NR1I3: variants seen among roughly 807,000 people sequenced by gnomAD.
NR1I3 encodes the protein constitutive activator of retinoid response.
A neutral mutation model predicts 38.4 loss-of-function variants in NR1I3; 30 were observed. The observed-to-expected ratio is 0.78, with a 90% CI of 0.58 to 1.06. The LOEUF is 1.06. Among genes scored for constraint, NR1I3 ranks in the 50% least tolerant of loss-of-function variants. NR1I3 has a pLI of 0.00. For missense variants in NR1I3, 388 were observed against 435.7 expected (o/e 0.89, Z 0.97); for synonymous variants, 143 against 165.1 (o/e 0.87, Z 1.03).
chr1:161,237,966 G>A, intron 1 of NR1I3, 75 bp downstream of exon 1: 1 of 1,427,040 alleles, frequency 7.0e-7, no homozygotes, highest in Non-Finnish European at 9.9e-7. Context: ...TGACACACGT[G>A]AGCCACTATG....
intron 5 of NR1I3, among the ~76,000 whole-genome samples, chr1:161,232,022 C>T (rs1296515088): frequency 6.6e-6 from 1 of 151,844 alleles, no homozygotes; most frequent in Non-Finnish European, 1.5e-5. Context: ...GAGTGTTGCT[C>T]TGTCACCCAG....
At position 161,229,733 on chromosome 1, in the gene NR1I3, C is replaced by T. The variant is rs755279262; in HGVS notation, c.*64G>A. The T allele has an allele frequency of 1.2e-6, 2 of 1,614,236 alleles. No individual in the cohort carries two copies. Among genetic ancestry groups the T allele is most frequent in the Non-Finnish European group, 1.7e-6 (2 of 1,180,048 alleles). On this transcript the variant is annotated 3_prime_UTR_variant, in exon 9 of 9. Transcript: ENST00000367983. ...AACCCGGCCCAATCTTTGGTCCCAG[C>T]ATTTTCCCACTCCAGTGTATCCAGG...
At chr1:161,233,875 GTGTGTGTGTGTGTA>G (rs1423878933) in intron 3 of NR1I3, among the ~76,000 whole-genome samples, 2,956 of 141,456 alleles carry the variant, frequency 0.021, 37 homozygotes, top group African/African-American at 0.026. Context: ...GTGTGTGTGT[GTGTGTGTGTGTGTA>G]TATGTGTGTG....
intron 8 of NR1I3, 134 bp downstream of exon 8, chr1:161,230,679 G>A: frequency 8.7e-7 from 1 of 1,147,078 alleles, no homozygotes; most frequent in Non-Finnish European, 1.2e-6. Context: ...GATGGCCAGG[G>A]GGAAGGACTA....
intron 3 of NR1I3, 74 bp from the exon 4 acceptor site, chr1:161,233,412 G>A (rs1006392641): frequency 1.3e-6 from 2 of 1,529,042 alleles, no homozygotes; most frequent in East Asian, 2.3e-5. Context: ...CCCTGATCTG[G>A]GGCCCCTCAG....
chr1:161,231,645 C>T (rs1041215476), intron 5 of NR1I3, among the ~76,000 whole-genome samples, 171 bp from the exon 6 acceptor site: 10 of 152,012 alleles, frequency 6.6e-5, no homozygotes, highest in East Asian at 1.9e-4. Flanking sequence ...GGATTACAGG[C>T]GTGTGCCACC....
chr1:161,236,067 G>A (rs1264789588), intron 2 of NR1I3, 90 bp from the exon 3 acceptor site: 197 of 1,446,032 alleles, frequency 1.4e-4, no homozygotes, highest in Non-Finnish European at 1.8e-4. Flanking sequence ...TGGGAATCTG[G>A]TGAAATGGAC....
intron 7 of NR1I3, 31 bp from the exon 8 acceptor site, chr1:161,230,949 T>C: frequency 6.2e-7 from 1 of 1,613,620 alleles, no homozygotes; most frequent in Non-Finnish European, 8.5e-7. Flanking sequence ...AAGGACAAGT[T>C]GGGTGGCAGG....
At chr1:161,235,797 C>T (rs776625828) in intron 3 of NR1I3, 50 bp downstream of exon 3, 2 of 1,611,614 alleles carry the variant, frequency 1.2e-6, no homozygotes, top group Non-Finnish European at 1.7e-6. Context: ...GGAACAAGGA[C>T]AAAGACAGAC....
intron 2 of NR1I3, 78 bp downstream of exon 2, chr1:161,236,381 G>T: frequency 6.5e-7 from 1 of 1,550,220 alleles, no homozygotes. Context: ...ACAGGCTTGG[G>T]CACCAGCGAG....
At chr1:161,233,953 A>C in intron 3 of NR1I3, among the ~76,000 whole-genome samples, 1 of 144,824 alleles carries the variant, frequency 6.9e-6, no homozygotes, top group East Asian at 2.1e-4. Context: ...ATATGTGTAT[A>C]TATGTGTATA....
intron 8 of NR1I3, 177 bp from the exon 9 acceptor site, chr1:161,230,103 C>A: frequency 1.4e-6 from 1 of 693,478 alleles, no homozygotes; most frequent in Non-Finnish European, 2.4e-6. Context: ...CTCCAGGGGG[C>A]CTCGGTCTGA....
intron 1 of NR1I3, among the ~76,000 whole-genome samples, chr1:161,236,923 T>TTG (rs397949130): frequency 6.6e-6 from 1 of 151,396 alleles, no homozygotes; most frequent in Non-Finnish European, 1.5e-5. Context: ...TTATTTTTTT[T>TTG]GTAGAGATGG....
At chr1:161,232,265 C>T (rs1349776556) in intron 5 of NR1I3, among the ~76,000 whole-genome samples, 1 of 151,708 alleles carries the variant, frequency 6.6e-6, no homozygotes, top group Non-Finnish European at 1.5e-5. Flanking sequence ...GGATTACAGG[C>T]ATGAGCCACC....
At position 161,233,156 on chromosome 1, in the gene NR1I3, T is replaced by C; in HGVS notation, c.408+13A>G. ...TTTAGTTGTATTCCAACCCAAATCC[T>C]GTCGGTGCTCACCCTAAACTGCACA... is the stretch of plus-strand genomic sequence containing the variant. On this transcript the variant is annotated intron_variant, in intron 4 of 8. Transcript: ENST00000367983. The C allele has an allele frequency of 1.9e-6, 3 of 1,611,064 alleles. No individual in the cohort carries two copies. Among genetic ancestry groups the C allele is most frequent in the Non-Finnish European group, 1.7e-6 (2 of 1,177,388 alleles).
chr1:161,230,951 G>T, intron 7 of NR1I3, 33 bp from the exon 8 acceptor site: 1 of 1,613,540 alleles, frequency 6.2e-7, no homozygotes, highest in East Asian at 2.2e-5. Context: ...GGACAAGTTG[G>T]GTGGCAGGGG....
At chr1:161,232,171 G>A (rs1369190888) in intron 5 of NR1I3, among the ~76,000 whole-genome samples, 1 of 151,036 alleles carries the variant, frequency 6.6e-6, no homozygotes, top group Non-Finnish European at 1.5e-5. Flanking sequence ...ATTTTTAGTA[G>A]AGACGGATTT....
chr1:161,236,195 G>A (rs1668579109), intron 2 of NR1I3: 3 of 643,190 alleles, frequency 4.7e-6, no homozygotes, highest in East Asian at 5.6e-5. Context: ...CTAGCTAGGT[G>A]CTTCACAGGC....
intron 5 of NR1I3, 97 bp downstream of exon 5, chr1:161,232,710 C>G (rs1667629645): frequency 4.1e-6 from 5 of 1,226,012 alleles, no homozygotes; most frequent in African/African-American, 1.5e-5. Context: ...CTTGGAAAGG[C>G]TGACGCATGT....
Sources: gnomAD v4.1 joint callset for allele counts (sites outside exome capture counted in the v4.1 genomes callset) on GRCh38, gnomAD v4.1.1 for gene constraint, MANE v1.5 for transcripts, NCBI Gene and HGNC (gene_info 2026-07-23, HGNC 2026-07-21) for gene names.